Variants in FGD4 observed in about 807,000 individuals in gnomAD.
The protein encoded by FGD4 is FYVE, RhoGEF and PH domain containing 4.
In FGD4, 42 loss-of-function variants were observed where a neutral mutation model predicts 102.0. The observed-to-expected ratio is 0.41, with a 90% CI of 0.32 to 0.53. The LOEUF (loss-of-function observed/expected upper bound fraction) is 0.53. Ranked by LOEUF, FGD4 falls within the 20% of genes least tolerant of loss-of-function variation. The pLI is 0.21. For synonymous variants in FGD4, 380 were observed against 375.7 expected, an observed-to-expected ratio of 1.01 and a Z score of -0.13; for missense variants, 902 against 1,078.2, an observed-to-expected ratio of 0.84 and a Z score of 2.29.
chr12:32,458,349 G>GT (rs369527171), intron 1 of FGD4, among the ~76,000 whole-genome samples: 8 of 151,484 alleles, frequency 5.3e-5, no homozygotes, highest in African/African-American at 7.3e-5. Flanking sequence ...TGTCTTTTGT[G>GT]TTTTTTTTGT....
At position 32,505,904 on chromosome 12, in the gene FGD4, C is replaced by T. The variant is rs138040453; in HGVS notation, c.167-58233C>T. Reference sequence around the variant, plus strand: ...ACGTAGTATGTTCGCATAAGGCAAACAGACTGAATCTCTTGTATATTTTTA... The same window carrying T: ...ACGTAGTATGTTCGCATAAGGCAAATAGACTGAATCTCTTGTATATTTTTA... On this transcript the variant is annotated intron_variant, in intron 1 of 16. Transcript: ENST00000534526. 3.6e-3 allele frequency among the ~76,000 whole-genome samples: 546 copies of T among 152,240 alleles called. 6 individuals carry two copies. The highest frequency in any genetic ancestry group is 0.013 in the African/African-American group (526 of 41,534).
In FGD4 at chr12:32,644,847, T is replaced by A. The variant is rs562035049; in HGVS notation, c.*4314T>A. On this transcript the variant is annotated 3_prime_UTR_variant, in exon 17 of 17. Coordinates refer to ENST00000534526, the MANE Select transcript of FGD4 (RefSeq NM_001370298.3). ...TTTTCTCCTTTGGGCTTTTAAAAAA[T>A]AATTTCATTCTCAGATCATTTTCTG... 6 of 150,662 alleles carry A rather than the reference T, an allele frequency of 4.0e-5. No individual in the cohort carries two copies. Among genetic ancestry groups the A allele is most frequent in the African/African-American group, 1.5e-4 (6 of 40,770 alleles). 9.3% of individuals were successfully genotyped at this position (150,662 alleles called of 1,614,324 possible). A position where few individuals can be genotyped will look rare whatever the true frequency, so the allele number is the denominator to read the frequency against.
At chr12:32,489,850 G>A (rs1944031557) in intron 1 of FGD4, among the ~76,000 whole-genome samples, 1 of 151,826 alleles carries the variant, frequency 6.6e-6, no homozygotes, top group East Asian at 1.9e-4. Flanking sequence ...AACTTTTTTT[G>A]TCTTGTTGAG....
intron 1 of FGD4, among the ~76,000 whole-genome samples, chr12:32,424,773 T>C (rs1455390822): frequency 2.0e-5 from 3 of 152,232 alleles, no homozygotes; most frequent in Non-Finnish European, 2.9e-5. Flanking sequence ...CTAACTGGTG[T>C]GAGATGGTAT....
intron 1 of FGD4, among the ~76,000 whole-genome samples, chr12:32,427,155 T>C (rs1941866571): frequency 6.6e-6 from 1 of 152,204 alleles, no homozygotes; most frequent in Non-Finnish European, 1.5e-5. Context: ...AATTGTGATT[T>C]TAGGGTGTCG....
At chr12:32,639,044 G>T in intron 16 of FGD4, 6 of 1,037,608 alleles carry the variant, frequency 5.8e-6, no homozygotes, top group Non-Finnish European at 7.7e-6. Context: ...GAGAAAAGAT[G>T]AGTTGAATTA....
At chr12:32,634,986 CA>C (rs35144247) in intron 15 of FGD4, among the ~76,000 whole-genome samples, 79,037 of 148,850 alleles carry the variant, frequency 0.53, 22,160 homozygotes, top group African/African-American at 0.73. Flanking sequence ...GACTCTGTCT[CA>C]AAAAAAAAAG....
intron 1 of FGD4, among the ~76,000 whole-genome samples, chr12:32,505,358 G>T (rs770116918): frequency 6.6e-6 from 1 of 152,198 alleles, no homozygotes; most frequent in African/African-American, 2.4e-5. Flanking sequence ...GAAAGCATGC[G>T]TGTGAACGAT....
intron 1 of FGD4, among the ~76,000 whole-genome samples, chr12:32,471,341 C>T (rs1383636393): frequency 2.0e-5 from 3 of 152,158 alleles, no homozygotes; most frequent in Admixed American, 6.5e-5. Flanking sequence ...CTCATCCATC[C>T]GTATCTCTCT....
rs757877123 is a variant in FGD4, at chr12:32,486,161, A to T, written c.167-77976A>T. The T allele has an allele frequency of 2.0e-6, 3 of 1,523,462 alleles. No homozygotes were observed. The South Asian group carries it at 3.7e-5, about 19-fold the overall frequency. 94.4% of individuals were successfully genotyped at this position (1,523,462 alleles called of 1,614,324 possible). A position where few individuals can be genotyped will look rare whatever the true frequency, so the allele number is the denominator to read the frequency against. ...GGGGGGCTGTGAGTATTGTTTTGCA[A>T]TTGCCATTTCTGAAATATCTCAGGT... On this transcript the variant is annotated intron_variant, in intron 1 of 16. Coordinates refer to ENST00000534526, the MANE Select transcript of FGD4 (RefSeq NM_001370298.3).
At chr12:32,458,922 G>C (rs1436893280) in intron 1 of FGD4, among the ~76,000 whole-genome samples, 1 of 152,128 alleles carries the variant, frequency 6.6e-6, no homozygotes, top group African/African-American at 2.4e-5. Flanking sequence ...GAGTTTAAAG[G>C]ATTTGCCTAA....
intron 1 of FGD4, among the ~76,000 whole-genome samples, chr12:32,486,866 C>T (rs980775892): frequency 6.6e-6 from 1 of 151,938 alleles, no homozygotes; most frequent in African/African-American, 2.4e-5. Flanking sequence ...TATTTTTGTT[C>T]AGTAGGAAGG....
rs752047217 is a variant in FGD4 at position 32,611,154 on chromosome 12, CT to C, written c.1622del (p.Leu541Ter). The C allele has an allele frequency of 1.2e-6, 2 of 1,614,048 alleles. No homozygotes were observed. Among genetic ancestry groups the C allele is most frequent in the Non-Finnish European group, 1.7e-6 (2 of 1,180,014 alleles). On this transcript the variant is annotated frameshift_variant, in exon 10 of 17. Transcript: ENST00000534526. LOFTEE classifies it high-confidence loss of function. ...IRKMENLKKL[L>X]EIYEMLGEEE... Reference sequence around the variant, plus strand: ...TTTCCTAGGAGAACCTAAAGAAACTCTTAGAGATTTATGAAATGTTGGGAGA... The same window carrying C: ...TTTCCTAGGAGAACCTAAAGAAACTCTAGAGATTTATGAAATGTTGGGAGA...
intron 1 of FGD4, chr12:32,534,277 A>T (rs1333714528): frequency 5.4e-6 from 7 of 1,308,080 alleles, no homozygotes; most frequent in Non-Finnish European, 6.8e-6. Flanking sequence ...CATGTTTTGC[A>T]TAAGGTCGTC....
At chr12:32,595,029 T>TAAA (rs58538152) in intron 4 of FGD4, among the ~76,000 whole-genome samples, 1 of 133,438 alleles carries the variant, frequency 7.5e-6, no homozygotes, top group Admixed American at 7.5e-5. Flanking sequence ...AGACTCCGTC[T>TAAA]AAAAAAAAAA....
chr12:32,415,113 T>G (rs547166402), intron 1 of FGD4, among the ~76,000 whole-genome samples: 1 of 152,206 alleles, frequency 6.6e-6, no homozygotes, highest in South Asian at 2.1e-4. Context: ...TGTTATTTAT[T>G]TGTAGCTTTA....
At chr12:32,434,044 T>C (rs574603989) in intron 1 of FGD4, among the ~76,000 whole-genome samples, 129 of 151,860 alleles carry the variant, frequency 8.5e-4, no homozygotes, top group African/African-American at 3.0e-3. Context: ...TTAGTAGAGA[T>C]GGGGTTTCAC....
At position 32,582,218 on chromosome 12, in the gene FGD4, A is replaced by G; in HGVS notation, c.762A>G (p.Gln254=). ...AATLSSDTSI[Q]ASEPLLDTHI... is the part of the protein sequence containing the mutation. ...CTCTTAGCTCAGATACTTCTATTCA[A>G]GCTTCTGAACCCTTGCTTGATACGC... The change falls in exon 4 of 17, where the codon CAA becomes CAG. Residue 254 remains glutamine (Q), a synonymous_variant. Coordinates refer to ENST00000534526, the MANE Select transcript of FGD4 (RefSeq NM_001370298.3). The G allele has an allele frequency of 1.2e-6, 2 of 1,614,242 alleles. No individual in the cohort carries two copies. The highest frequency in any genetic ancestry group is 2.2e-5 in the South Asian group (2 of 91,092).
At chr12:32,560,685 C>A (rs1944466211) in intron 1 of FGD4, among the ~76,000 whole-genome samples, 1 of 151,980 alleles carries the variant, frequency 6.6e-6, no homozygotes. Context: ...GAGGACCACC[C>A]CTGCCTTTTT....
Sources: allele counts gnomAD v4.1 joint callset (sites outside exome capture counted in the v4.1 genomes callset), GRCh38; gene constraint gnomAD v4.1.1; transcripts MANE v1.5; gene names NCBI Gene and HGNC (gene_info 2026-07-23, HGNC 2026-07-21).